SDCCAG8: variants seen among roughly 807,000 people sequenced by gnomAD.
The protein encoded by SDCCAG8 is serologically defined colon cancer antigen 8.
SDCCAG8 carries 74 observed loss-of-function variants against 101.8 expected under a neutral mutation model. The ratio of observed to expected loss-of-function variants is 0.73; its 90% CI spans 0.60 to 0.88. SDCCAG8 has a LOEUF of 0.88. Among genes scored for constraint, SDCCAG8 ranks in the 40% least tolerant of loss-of-function variants. The pLI, the probability that SDCCAG8 is intolerant of heterozygous loss-of-function variation, is 0.00. For synonymous variants in SDCCAG8, 281 were observed against 292.9 expected (o/e 0.96, Z 0.41); for missense variants, 787 against 822.6 (o/e 0.96, Z 0.53).
rs925528697 is a variant in SDCCAG8, at chr1:243,415,973, A to T, written c.1744+144A>T. 5.3e-6 allele frequency: 5 copies of T among 947,654 alleles called. No homozygotes were observed. The East Asian group carries it at 1.1e-4, about 20-fold the overall frequency. 58.7% of individuals were successfully genotyped at this position (947,654 alleles called of 1,614,324 possible). On this transcript the variant is annotated intron_variant, in intron 14 of 17. Coordinates refer to ENST00000366541, the MANE Select transcript of SDCCAG8 (RefSeq NM_006642.5). ...AACTACACCGGAGATTCCGAATTAC[A>T]TATTAGTTAGCGTTTAAAAGAGAAA... is the stretch of plus-strand genomic sequence containing the variant.
At chr1:243,369,757 G>C (rs2077184010) in intron 12 of SDCCAG8, among the ~76,000 whole-genome samples, 1 of 152,100 alleles carries the variant, frequency 6.6e-6, no homozygotes, top group Non-Finnish European at 1.5e-5. Flanking sequence ...TTCAGCTCTT[G>C]ATACATTTTC....
chr1:243,262,604 GTGT>G (rs2067278547), intron 1 of SDCCAG8, among the ~76,000 whole-genome samples: 1 of 152,326 alleles, frequency 6.6e-6, no homozygotes, highest in African/African-American at 2.4e-5. Context: ...GTATGTTTCA[GTGT>G]TAGGAGATTG....
intron 10 of SDCCAG8, among the ~76,000 whole-genome samples, chr1:243,337,552 C>G (rs767323686): frequency 1.4e-4 from 21 of 152,222 alleles, no homozygotes; most frequent in Non-Finnish European, 2.5e-4. Context: ...TTGAATCCAG[C>G]TTGACCTTTC....
chr1:243,260,311 C>T (rs575373644), intron 1 of SDCCAG8, among the ~76,000 whole-genome samples: 5 of 152,170 alleles, frequency 3.3e-5, no homozygotes, highest in Non-Finnish European at 7.3e-5. Flanking sequence ...TGGGAGGTCT[C>T]TTGGCAGTAA....
intron 16 of SDCCAG8, among the ~76,000 whole-genome samples, chr1:243,460,964 T>C (rs1030565074): frequency 7.9e-5 from 12 of 152,230 alleles, no homozygotes; most frequent in Non-Finnish European, 1.6e-4. Context: ...ACTTAGAACA[T>C]TGTCAGCTGT....
At chr1:243,283,300 C>T (rs1213144343) in intron 4 of SDCCAG8, among the ~76,000 whole-genome samples, 2 of 151,654 alleles carry the variant, frequency 1.3e-5, no homozygotes, top group East Asian at 3.9e-4. Flanking sequence ...CTTCCTAGAT[C>T]TGTGGTTTGG....
At chr1:243,309,887 C>A (rs144024343) in intron 8 of SDCCAG8, among the ~76,000 whole-genome samples, 1 of 151,832 alleles carries the variant, frequency 6.6e-6, no homozygotes, top group Non-Finnish European at 1.5e-5. Context: ...TTTTTTGAGA[C>A]GGAGTCTCTC....
intron 10 of SDCCAG8, among the ~76,000 whole-genome samples, chr1:243,332,754 A>T (rs557200487): frequency 1.3e-5 from 2 of 148,752 alleles, no homozygotes; most frequent in South Asian, 2.1e-4. Flanking sequence ...GGAGGTGATT[A>T]TTGTGGTCCG....
chr1:243,478,328 G>A (rs1662818418), intron 16 of SDCCAG8, among the ~76,000 whole-genome samples: 1 of 152,222 alleles, frequency 6.6e-6, no homozygotes, highest in South Asian at 2.1e-4. Context: ...CCTTGGGCAA[G>A]TCACTTATAC....
intron 16 of SDCCAG8, among the ~76,000 whole-genome samples, chr1:243,486,827 T>C (rs1664995377): frequency 6.6e-6 from 1 of 152,248 alleles, no homozygotes; most frequent in Admixed American, 6.5e-5. Context: ...TGTCATGGTG[T>C]CACTTGTCAC....
intron 1 of SDCCAG8, among the ~76,000 whole-genome samples, chr1:243,260,328 G>A (rs145895342): frequency 6.6e-6 from 1 of 152,166 alleles, no homozygotes; most frequent in Non-Finnish European, 1.5e-5. Context: ...GTAAGGTTAG[G>A]TGTTCATTTA....
intron 16 of SDCCAG8, among the ~76,000 whole-genome samples, chr1:243,453,046 G>A (rs992018830): frequency 6.6e-6 from 1 of 152,234 alleles, no homozygotes; most frequent in Admixed American, 6.5e-5. Flanking sequence ...CACTCAAAAA[G>A]TGTAGTGTTC....
intron 5 of SDCCAG8, among the ~76,000 whole-genome samples, chr1:243,291,328 A>G (rs756440920): frequency 1.3e-5 from 2 of 152,250 alleles, no homozygotes; most frequent in Non-Finnish European, 2.9e-5. Context: ...CACTAAATTC[A>G]ACTCAGGCAT....
intron 10 of SDCCAG8, among the ~76,000 whole-genome samples, chr1:243,333,597 T>A (rs1335798953): frequency 6.6e-6 from 1 of 152,240 alleles, no homozygotes; most frequent in African/African-American, 2.4e-5. Flanking sequence ...TCTCACTTAC[T>A]CTTCAGCCCA....
chr1:243,256,289 A>AG (rs772790041), intron 1 of SDCCAG8, 49 bp downstream of exon 1: 156 of 1,510,796 alleles, frequency 1.0e-4, no homozygotes, highest in Non-Finnish European at 1.3e-4. Flanking sequence ...CCCAGGGCCT[A>AG]GTGGGCGGGA....
At position 243,458,467 on chromosome 1, in the gene SDCCAG8, TA is replaced by T. The variant is rs1253210875; in HGVS notation, c.1986-30546del. On this transcript the variant is annotated intron_variant, in intron 16 of 17. Coordinates refer to ENST00000366541, the MANE Select transcript of SDCCAG8 (RefSeq NM_006642.5). This position sits in a 1 kb window ranked among gnomAD's most constrained non-coding sequence, Gnocchi z 4.5. ...TCACTGTAGTAGCAGCAGCTAACTT[TA>T]GAGCGTGCTTGCTATGTACCAGCTC... is the stretch of plus-strand genomic sequence containing the variant. Among the ~76,000 whole-genome samples, 1 of 152,174 alleles carries T rather than the reference TA, an allele frequency of 6.6e-6. No homozygotes were observed. Among genetic ancestry groups the T allele is most frequent in the Non-Finnish European group, 1.5e-5 (1 of 68,030 alleles).
intron 13 of SDCCAG8, among the ~76,000 whole-genome samples, chr1:243,409,402 A>G (rs1156841382): frequency 6.6e-6 from 1 of 152,210 alleles, no homozygotes; most frequent in Non-Finnish European, 1.5e-5. Context: ...ATTTATATTT[A>G]TATTCACATT....
In SDCCAG8 at chr1:243,308,141, C is replaced by G. The variant is rs757167654; in HGVS notation, c.893C>G (p.Thr298Ser). The part of the protein sequence containing the change: ...QHEAVLSQTH[T>S]NVHMQTIERL... ...GAAGCTGTTCTTTCCCAAACCCATA[C>G]TAATGTTCATATGCAGACCATCGAA... is the stretch of plus-strand genomic sequence containing the variant. The change falls in exon 8 of 18, where the codon ACT (threonine) becomes AGT (serine). Residue 298 changes from threonine (T) to serine (S), a missense_variant. Coordinates refer to ENST00000366541, the MANE Select transcript of SDCCAG8 (RefSeq NM_006642.5). The G allele has an allele frequency of 6.2e-7, 1 of 1,614,178 alleles. No homozygotes were observed. Among genetic ancestry groups the G allele is most frequent in the Non-Finnish European group, 8.5e-7 (1 of 1,180,020 alleles).
chr1:243,334,701 C>T (rs1573378231), intron 10 of SDCCAG8, among the ~76,000 whole-genome samples: 1 of 152,278 alleles, frequency 6.6e-6, no homozygotes, highest in East Asian at 1.9e-4. Context: ...GGTAATCCTC[C>T]CACCTCAGCT....
Sources: gnomAD v4.1 joint callset for allele counts (sites outside exome capture counted in the v4.1 genomes callset) on GRCh38, gnomAD v4.1.1 for gene constraint, Gnocchi (gnomAD v3.1) non-coding constraint, MANE v1.5 for transcripts, NCBI Gene and HGNC (gene_info 2026-07-23, HGNC 2026-07-21) for gene names.